YTHDF3: variants seen among roughly 807,000 people sequenced by gnomAD.
The protein encoded by YTHDF3 is YTH domain-containing family protein 3.
A neutral mutation model predicts 52.5 loss-of-function variants in YTHDF3; 9 were observed. The observed-to-expected ratio is 0.17, with a 90% CI of 0.10 to 0.30. YTHDF3 has a LOEUF of 0.30. Ranked by LOEUF, YTHDF3 falls within the 10% of genes least tolerant of loss-of-function variation. The probability of loss-of-function intolerance (pLI) is 1.00; values close to 1 mark genes in which losing one functional copy is unlikely to be tolerated. For missense variants in YTHDF3, 534 were observed against 715.0 expected, an observed-to-expected ratio of 0.75 and a Z score of 2.89; for synonymous variants, 274 against 243.3, an observed-to-expected ratio of 1.13 and a Z score of -1.18.
At chr8:63,173,173 CA>C (rs922063318) in intron 2 of YTHDF3, among the ~76,000 whole-genome samples, 5 of 106,538 alleles carry the variant, frequency 4.7e-5, no homozygotes, top group East Asian at 4.0e-4. Flanking sequence ...AATAATAGAA[CA>C]AAAAAAATAA....
intron 3 of YTHDF3, among the ~76,000 whole-genome samples, chr8:63,181,073 T>G (rs1808102534): frequency 6.6e-6 from 1 of 152,276 alleles, no homozygotes; most frequent in South Asian, 2.1e-4. Context: ...TAATTGCCAC[T>G]GTTAAATATG....
intron 4 of YTHDF3, among the ~76,000 whole-genome samples, chr8:63,204,083 A>T (rs1021596270): frequency 1.3e-5 from 2 of 152,196 alleles, no homozygotes; most frequent in African/African-American, 4.8e-5. Context: ...GCAAAGAGGA[A>T]TATCAAAGAC....
chr8:63,180,779 C>G (rs1249126384), intron 3 of YTHDF3, among the ~76,000 whole-genome samples: 2 of 152,192 alleles, frequency 1.3e-5, no homozygotes, highest in Non-Finnish European at 2.9e-5. Flanking sequence ...GGAGACCAGC[C>G]CGGCCAACAC....
chr8:63,181,790 A>T (rs556168569), intron 3 of YTHDF3, among the ~76,000 whole-genome samples: 20 of 152,340 alleles, frequency 1.3e-4, no homozygotes, highest in Admixed American at 1.3e-3. Flanking sequence ...TATCTGGCAC[A>T]TATAGCATTC....
intron 4 of YTHDF3, among the ~76,000 whole-genome samples, chr8:63,193,322 G>A (rs1173415311): frequency 7.1e-6 from 1 of 141,194 alleles, no homozygotes; most frequent in Non-Finnish European, 1.5e-5. Flanking sequence ...ATTGCAGTAA[G>A]CCAGGATTGC....
Position 63,187,472 on chromosome 8 carries a change from G to C in YTHDF3, c.1461G>C (p.Ala487=). The C allele has an allele frequency of 6.2e-7, 1 of 1,613,960 alleles. No individual in the cohort carries two copies. The highest frequency in any genetic ancestry group is 2.2e-5 in the East Asian group (1 of 44,874). The change falls in exon 4 of 5, where the codon GCG becomes GCC. Residue 487 remains alanine (A), a synonymous_variant. Transcript: ENST00000539294. The part of the protein sequence containing the change: ...AEMKSVVDYN[A]YAGVWSQDKW... ...TGAAGTCTGTTGTGGACTATAATGCGTATGCTGGTGTCTGGTCTCAGGATA... is the reference window on the plus strand; with the variant it reads ...TGAAGTCTGTTGTGGACTATAATGCCTATGCTGGTGTCTGGTCTCAGGATA...
chr8:63,183,766 G>A (rs558878362), intron 3 of YTHDF3, among the ~76,000 whole-genome samples: 57 of 152,268 alleles, frequency 3.7e-4, no homozygotes, highest in Middle Eastern at 3.4e-3. Context: ...CTCCGTATCT[G>A]CAGTGTCTAC....
intron 4 of YTHDF3, among the ~76,000 whole-genome samples, chr8:63,198,783 C>T (rs955426261): frequency 1.3e-5 from 2 of 152,092 alleles, no homozygotes; most frequent in African/African-American, 2.4e-5. Context: ...TTCTATTACC[C>T]TTTGGTAAAT....
At chr8:63,205,645 G>T (rs1443125666) in intron 4 of YTHDF3, among the ~76,000 whole-genome samples, 1 of 152,034 alleles carries the variant, frequency 6.6e-6, no homozygotes, top group Admixed American at 6.5e-5. Context: ...TGTTGGCCAG[G>T]TGGTTCTTGA....
At chr8:63,181,563 T>C (rs899494901) in intron 3 of YTHDF3, among the ~76,000 whole-genome samples, 3 of 152,250 alleles carry the variant, frequency 2.0e-5, no homozygotes, top group Admixed American at 6.5e-5. Context: ...TACAGACGTG[T>C]ACACACACCT....
intron 3 of YTHDF3, among the ~76,000 whole-genome samples, chr8:63,185,531 C>CT (rs919033576): frequency 1.3e-5 from 2 of 151,984 alleles, no homozygotes; most frequent in East Asian, 1.9e-4. Flanking sequence ...TGTTTTATGT[C>CT]TTTTTTTGAA....
In YTHDF3 at chr8:63,186,969, C is replaced by G; in HGVS notation, c.958C>G (p.Gln320Glu). 2 of 1,613,746 alleles carry G rather than the reference C, an allele frequency of 1.2e-6. No homozygotes were observed. The highest frequency in any genetic ancestry group is 1.7e-6 in the Non-Finnish European group (2 of 1,179,770). ...ACCATTGGTGCAAAGCCAACTGCCT[C>G]AACAGCAGCCTCAACCACCACAACC... ...PPPLVQSQLP[Q>E]QQPQPPQPQQ... Residue 320 changes from glutamine to glutamate, a missense_variant, in exon 4 of 5, where the codon CAA (glutamine) becomes GAA (glutamate). Gln to Glu is a conservative substitution (Grantham distance 29). This residue lies in a region of YTHDF3 where 203 missense variants were observed against 201.3 expected (regional missense o/e 1.01). Transcript: ENST00000539294.
At position 63,179,733 on chromosome 8, in the gene YTHDF3, G is replaced by A. The variant is rs550773667; in HGVS notation, c.135+4317G>A. On this transcript the variant is annotated intron_variant, in intron 3 of 4. Coordinates refer to ENST00000539294, the MANE Select transcript of YTHDF3 (RefSeq NM_152758.6). ...TGGCCCGTTCTCAATGAGCCGCTGG[G>A]TACACCTCCCAGATGGGGTGGTGGC... Among the ~76,000 whole-genome samples the A allele has an allele frequency of 1.3e-3, 195 of 152,314 alleles. 1 individual carries two copies. Among genetic ancestry groups the A allele is most frequent in the African/African-American group, 3.9e-3 (162 of 41,588 alleles).
chr8:63,198,517 T>A (rs559144576), intron 4 of YTHDF3, among the ~76,000 whole-genome samples: 4 of 152,332 alleles, frequency 2.6e-5, no homozygotes, highest in African/African-American at 9.6e-5. Context: ...TCTGCCCACC[T>A]CTGCCTTCCA....
intron 3 of YTHDF3, among the ~76,000 whole-genome samples, chr8:63,180,753 C>G (rs1180342867): frequency 2.0e-5 from 3 of 152,260 alleles, no homozygotes; most frequent in Non-Finnish European, 4.4e-5. Context: ...TGGCGGATCA[C>G]TCGCGGTTAG....
At chr8:63,184,106 G>C (rs564110215) in intron 3 of YTHDF3, among the ~76,000 whole-genome samples, 1 of 152,246 alleles carries the variant, frequency 6.6e-6, no homozygotes, top group South Asian at 2.1e-4. Flanking sequence ...TTCAATCTGT[G>C]AATGGTTGAA....
rs1488897724 is a variant in YTHDF3, at chr8:63,186,266, A to G, written c.255A>G (p.Pro85=). The change falls in exon 4 of 5, where the codon CCA becomes CCG. Residue 85 remains proline (P), a synonymous_variant. Coordinates refer to ENST00000539294, the MANE Select transcript of YTHDF3 (RefSeq NM_152758.6). ...CCACAGCTGGAGACCAGCCTATGCC[A>G]TATCTGACAACCTATGGACAAATGA... ...AWSTAGDQPM[P]YLTTYGQMSN... The G allele has an allele frequency of 2.5e-6, 4 of 1,613,898 alleles. No individual in the cohort carries two copies. Among genetic ancestry groups the G allele is most frequent in the Non-Finnish European group, 3.4e-6 (4 of 1,179,912 alleles).
At chr8:63,193,891 A>G (rs1204362370) in intron 4 of YTHDF3, among the ~76,000 whole-genome samples, 1 of 152,242 alleles carries the variant, frequency 6.6e-6, no homozygotes, top group East Asian at 1.9e-4. Context: ...CTAAATTGAT[A>G]AATCTACTTC....
intron 4 of YTHDF3, among the ~76,000 whole-genome samples, chr8:63,207,894 A>G (rs780683241): frequency 6.6e-6 from 1 of 152,186 alleles, no homozygotes; most frequent in Non-Finnish European, 1.5e-5. Context: ...GTGTGCTTCC[A>G]AATTTCTCAT....
Sources: allele counts gnomAD v4.1 joint callset (sites outside exome capture counted in the v4.1 genomes callset), GRCh38; gene constraint gnomAD v4.1.1; regional missense constraint gnomAD v4.1.1; transcripts MANE v1.5; gene names NCBI Gene and HGNC (gene_info 2026-07-23, HGNC 2026-07-21).